The following WDPCP variants were observed in gnomAD, a reference collection of about 807,000 sequenced individuals.
WDPCP encodes WD repeat containing planar cell polarity effector.
In WDPCP, 71 loss-of-function variants were observed where a neutral mutation model predicts 93.1. The ratio of observed to expected loss-of-function variants is 0.76; its 90% CI spans 0.63 to 0.93. WDPCP has a LOEUF of 0.93. Among genes scored for constraint, WDPCP ranks in the 40% least tolerant of loss-of-function variants. The pLI, the probability that WDPCP is intolerant of heterozygous loss-of-function variation, is 0.00. For synonymous variants in WDPCP, 315 were observed against 315.0 expected, an observed-to-expected ratio of 1.00 and a Z score of 0.00; for missense variants, 844 against 887.4, an observed-to-expected ratio of 0.95 and a Z score of 0.62.
chr2:63,787,607 A>G (rs1409155028), intron 2 of WDPCP, among the ~76,000 whole-genome samples: 2 of 152,216 alleles, frequency 1.3e-5, no homozygotes, highest in African/African-American at 4.8e-5. Context: ...TTTAAAACAT[A>G]TATCATGGAG....
rs559801914 is a variant in WDPCP at position 63,738,192 on chromosome 2, T to C, written n.308+75430A>G. On this transcript the variant is annotated intron_variant and non_coding_transcript_variant, in intron 2 of 4. Transcript: ENST00000467687. ...TCTGACCCGTTTTATTCATTTCTATTACTAACTGCTTGGCCTGTGAGTCTG... is the reference window on the plus strand; with the variant it reads ...TCTGACCCGTTTTATTCATTTCTATCACTAACTGCTTGGCCTGTGAGTCTG... Among the ~76,000 whole-genome samples, 8 of 152,200 alleles carry C rather than the reference T, an allele frequency of 5.3e-5. No homozygotes were observed. In the East Asian group the frequency reaches 1.5e-3, roughly 29 times the overall value.
intron 17 of WDPCP, among the ~76,000 whole-genome samples, chr2:63,123,197 A>G (rs932163396): frequency 3.9e-5 from 6 of 152,144 alleles, no homozygotes; most frequent in Admixed American, 6.5e-5. Flanking sequence ...TTTAAAACAT[A>G]AGCTTCAACT....
At chr2:63,538,769 G>A (rs568303520) in intron 1 of WDPCP, among the ~76,000 whole-genome samples, 6 of 152,170 alleles carry the variant, frequency 3.9e-5, no homozygotes, top group Non-Finnish European at 5.9e-5. Context: ...CAGTTATAAA[G>A]ACTTATATTT....
intron 2 of WDPCP, among the ~76,000 whole-genome samples, chr2:63,715,844 G>A (rs2103767851): frequency 6.6e-6 from 1 of 152,238 alleles, no homozygotes; most frequent in South Asian, 2.1e-4. Context: ...CAATACTTAA[G>A]GTTTTGGGAC....
At chr2:63,243,768 C>T (rs927037662) in intron 14 of WDPCP, among the ~76,000 whole-genome samples, 62 of 152,008 alleles carry the variant, frequency 4.1e-4, no homozygotes, top group Non-Finnish European at 7.8e-4. Flanking sequence ...TGGGGGACTT[C>T]GGGGGCTTCA....
At chr2:63,212,979 C>T (rs1300239096) in intron 14 of WDPCP, among the ~76,000 whole-genome samples, 1 of 152,072 alleles carries the variant, frequency 6.6e-6, no homozygotes, top group East Asian at 1.9e-4. Context: ...AAAGCAAGTC[C>T]TTAGAGACCT....
rs1672027474 is a variant in WDPCP at position 63,153,585 on chromosome 2, T to C, written c.2079-11A>G. 6.2e-7 allele frequency: 1 copy of C among 1,601,404 alleles called. No homozygotes were observed. Among genetic ancestry groups the C allele is most frequent in the African/African-American group, 1.3e-5 (1 of 74,684 alleles). On this transcript the variant is annotated splice_polypyrimidine_tract_variant and intron_variant, in intron 15 of 17. Coordinates refer to ENST00000272321, the MANE Select transcript of WDPCP (RefSeq NM_015910.7). ...CTGTCAATTATTTGTCTGCAGTATA[T>C]GGGTGTTTTTAATTGGAAAAAGGAT...
rs200023203 is a variant in WDPCP, at chr2:63,197,421, A to AT, written c.1916-22590dup. Among the ~76,000 whole-genome samples the AT allele has an allele frequency of 5.8e-3, 884 of 152,322 alleles. 9 individuals are homozygous for AT. Among genetic ancestry groups the AT allele is most frequent in the African/African-American group, 0.02 (835 of 41,570 alleles). The stretch of plus-strand genomic sequence containing the variant: ...GCTTTGGTAAAGTCAGAAGTTATAC[A>AT]TGTATTTTCTACTTCATGGGGGTGC... On this transcript the variant is annotated intron_variant, in intron 14 of 17. Transcript: ENST00000272321.
chr2:63,230,198 T>G (rs1417991884), intron 14 of WDPCP, among the ~76,000 whole-genome samples: 1 of 151,704 alleles, frequency 6.6e-6, no homozygotes, highest in African/African-American at 2.4e-5. Flanking sequence ...TGGTTTTCTG[T>G]CCTTGTGATA....
At chr2:63,255,661 A>G (rs1030984330) in intron 14 of WDPCP, among the ~76,000 whole-genome samples, 1 of 152,268 alleles carries the variant, frequency 6.6e-6, no homozygotes. Flanking sequence ...CCAGCACCAT[A>G]CTTCTCATAT....
chr2:63,436,985 C>A (rs189363692), intron 8 of WDPCP, among the ~76,000 whole-genome samples: 4 of 152,092 alleles, frequency 2.6e-5, no homozygotes, highest in African/African-American at 9.6e-5. Flanking sequence ...TTGTTTATTA[C>A]ACTTTTCTAT....
intron 10 of WDPCP, among the ~76,000 whole-genome samples, chr2:63,397,974 C>T (rs1037878993): frequency 2.0e-5 from 3 of 152,062 alleles, no homozygotes; most frequent in Non-Finnish European, 4.4e-5. Context: ...TGCTGCTGTT[C>T]CAAGATAGAT....
chr2:63,838,196 C>G, the WDPCP span, among the ~76,000 whole-genome samples: 1 of 152,078 alleles, frequency 6.6e-6, no homozygotes, highest in Non-Finnish European at 1.5e-5. Context: ...GGAATGTTCG[C>G]TATGTACCAG....
At chr2:63,520,634 G>A (rs543654245) in intron 1 of WDPCP, among the ~76,000 whole-genome samples, 12 of 152,266 alleles carry the variant, frequency 7.9e-5, no homozygotes, top group African/African-American at 2.9e-4. Context: ...GCTCACACCT[G>A]TAATCCCAGC....
chr2:63,594,395 A>C lies in WDPCP; in HGVS notation n.488+56264T>G, dbSNP rs766565871. 63 of 966,532 alleles carry C rather than the reference A, an allele frequency of 6.5e-5. 1 individual carries two copies. Among genetic ancestry groups the C allele is most frequent in the Non-Finnish European group, 1.0e-4 (62 of 592,398 alleles). The allele number at this position is 966,532 out of a possible 1,614,324, so 59.9% of individuals were successfully genotyped here. ...ACTTTAAAATTTTACATTCACTTTT[A>C]AAGTATGTGGATTTCTTACTATAGA... On this transcript the variant is annotated intron_variant and non_coding_transcript_variant, in intron 3 of 4. Coordinates refer to the WDPCP transcript ENST00000467687.
chr2:63,810,213 G>A (rs1670843258), intron 2 of WDPCP, among the ~76,000 whole-genome samples: 1 of 152,096 alleles, frequency 6.6e-6, no homozygotes, highest in African/African-American at 2.4e-5. Flanking sequence ...TTTTCCTCTG[G>A]ATGATCTTGT....
intron 13 of WDPCP, among the ~76,000 whole-genome samples, chr2:63,260,737 A>G (rs1681554190): frequency 6.6e-6 from 1 of 152,084 alleles, no homozygotes. Context: ...TTTAGTAGAG[A>G]CGGGGTTTCA....
intron 3 of WDPCP, among the ~76,000 whole-genome samples, chr2:63,638,786 CTCG>C: frequency 6.8e-6 from 1 of 146,780 alleles, no homozygotes. Context: ...GAGCTTCTGT[CTCG>C]AAAAAAAGAA....
intron 2 of WDPCP, among the ~76,000 whole-genome samples, chr2:63,662,733 A>T (rs1190046054): frequency 6.6e-6 from 1 of 152,196 alleles, no homozygotes; most frequent in East Asian, 1.9e-4. Flanking sequence ...TCCAGGAAAG[A>T]TAAGCCTCTA....
Sources: allele counts gnomAD v4.1 joint callset (sites outside exome capture counted in the v4.1 genomes callset), GRCh38; gene constraint gnomAD v4.1.1; transcripts MANE v1.5; gene names NCBI Gene and HGNC (gene_info 2026-07-23, HGNC 2026-07-21).